ZNF189: variants seen among roughly 807,000 people sequenced by gnomAD.
ZNF189 encodes the protein zinc finger protein 189.
In ZNF189, 33 loss-of-function variants were observed where a neutral mutation model predicts 53.5. The observed-to-expected ratio is 0.62, with a 90% CI of 0.47 to 0.82. The LOEUF is 0.82. ZNF189 is among the 40% of genes least tolerant of loss of function. The probability of loss-of-function intolerance (pLI) is 0.00; values close to 1 mark genes in which losing one functional copy is unlikely to be tolerated. For synonymous variants in ZNF189, 247 were observed against 238.8 expected, an observed-to-expected ratio of 1.03 and a Z score of -0.32; for missense variants, 711 against 753.9, an observed-to-expected ratio of 0.94 and a Z score of 0.67.
rs746599199 is a variant in ZNF189, at chr9:101,409,408, A to T, written c.1640A>T (p.Lys547Met). 2 of 1,614,090 alleles carry T rather than the reference A, an allele frequency of 1.2e-6. No individual in the cohort carries two copies. The highest frequency in any genetic ancestry group is 2.7e-5 in the African/African-American group (2 of 74,932). Residue 547 changes from lysine to methionine, a missense_variant, in exon 3 of 3, where the codon AAG (lysine) becomes ATG (methionine). Coordinates refer to ENST00000339664, the MANE Select transcript of ZNF189 (RefSeq NM_003452.4). ...NKPHKCDECG[K>M]AFSRNSGLIQ... ...CCCCATAAATGTGATGAATGTGGAA[A>T]GGCCTTTAGCCGGAACTCGGGTCTT...
At position 101,409,091 on chromosome 9, in the gene ZNF189, C is replaced by T. The variant is rs560474324; in HGVS notation, c.1323C>T (p.Cys441=). Residue 441 remains cysteine (C), a synonymous_variant, in exon 3 of 3, where the codon TGC becomes TGT. Transcript: ENST00000339664. ...CTAAGGAAAGTTTTGATCCAAATTG[C>T]AGTCTTGTTATACAGCAGGAAGTCT... ...NETKESFDPN[C]SLVIQQEVYP... The T allele has an allele frequency of 6.2e-7, 1 of 1,613,780 alleles. No individual in the cohort carries two copies. Among genetic ancestry groups the T allele is most frequent in the South Asian group, 1.1e-5 (1 of 91,016 alleles).
Position 101,409,434 on chromosome 9 carries a change from A to G in ZNF189, c.1666A>G (p.Ile556Val), listed in dbSNP as rs1309939753. The stretch of plus-strand genomic sequence containing the variant: ...GGCCTTTAGCCGGAACTCGGGTCTT[A>G]TTCAGCATCAGAGAATACACACAGG... ...GKAFSRNSGL[I>V]QHQRIHTGEK... Residue 556 changes from isoleucine to valine, a missense_variant, in exon 3 of 3, where the codon ATT (isoleucine) becomes GTT (valine). Transcript: ENST00000339664. 2 of 1,614,086 alleles carry G rather than the reference A, an allele frequency of 1.2e-6. No individual in the cohort carries two copies. The highest frequency in any genetic ancestry group is 8.5e-7 in the Non-Finnish European group (1 of 1,180,026).
chr9:101,399,731 G>T (rs1315181928), intron 1 of ZNF189, among the ~76,000 whole-genome samples, 153 bp from the exon 2 acceptor site: 3 of 152,204 alleles, frequency 2.0e-5, no homozygotes. Flanking sequence ...GTCAGTTACA[G>T]TTCGTTCCCA....
At position 101,409,998 on chromosome 9, in the gene ZNF189, G is replaced by C. The variant is rs1830882852; in HGVS notation, c.*349G>C. ...GTGGAAAACAGAATAATGATTCAAA[G>C]AGTCTTCTGTCACCATGTCATATTG... On this transcript the variant is annotated 3_prime_UTR_variant, in exon 3 of 3. Coordinates refer to ENST00000339664, the MANE Select transcript of ZNF189 (RefSeq NM_003452.4). 5.3e-6 allele frequency: 1 copy of C among 188,610 alleles called. No individual in the cohort carries two copies. The highest frequency in any genetic ancestry group is 1.3e-4 in the South Asian group (1 of 7,476). The allele number at this position is 188,610 out of a possible 1,614,324, so 11.7% of individuals were successfully genotyped here.
chr9:101,408,372 A>G lies in ZNF189; in HGVS notation c.604A>G (p.Arg202Gly), dbSNP rs755732319. The G allele has an allele frequency of 6.2e-7, 1 of 1,614,164 alleles. No homozygotes were observed. The highest frequency in any genetic ancestry group is 8.5e-7 in the Non-Finnish European group (1 of 1,180,016). Reference protein sequence around the residue: ...IEHQRIHTGERPYECNYCGKT... With the variant: ...IEHQRIHTGEGPYECNYCGKT... ...ACATCAGAGAATTCACACTGGGGAA[A>G]GGCCCTATGAGTGTAATTACTGTGG... Residue 202 changes from arginine to glycine, a missense_variant, in exon 3 of 3, where the codon AGG becomes GGG. Coordinates refer to ENST00000339664, the MANE Select transcript of ZNF189 (RefSeq NM_003452.4).
In ZNF189 at chr9:101,403,861, G is replaced by C. The variant is rs565142192; in HGVS notation, c.160+3851G>C. ...TAGGGCTTCACCATATGAATATTTG[G>C]TGGGAACACAAACATTCAGTCTATA... is the stretch of plus-strand genomic sequence containing the variant. On this transcript the variant is annotated intron_variant, in intron 2 of 2. Coordinates refer to ENST00000339664, the MANE Select transcript of ZNF189 (RefSeq NM_003452.4). 3.9e-5 allele frequency among the ~76,000 whole-genome samples: 6 copies of C among 152,310 alleles called. No individual in the cohort carries two copies. The East Asian group carries it at 1.2e-3, about 29-fold the overall frequency.
intron 2 of ZNF189, 70 bp from the exon 3 acceptor site, chr9:101,407,859 C>G: frequency 7.2e-7 from 1 of 1,392,114 alleles, no homozygotes; most frequent in Non-Finnish European, 9.5e-7. Context: ...CTTTGTTTGC[C>G]CATCTTACTT....
At chr9:101,401,980 T>A (rs1351211112) in intron 2 of ZNF189, among the ~76,000 whole-genome samples, 3 of 151,848 alleles carry the variant, frequency 2.0e-5, no homozygotes, top group Admixed American at 2.0e-4. Flanking sequence ...AGTGGTGCAA[T>A]CTCAGCTCAC....
In ZNF189 at chr9:101,399,929, G is replaced by T. The variant is rs745935109; in HGVS notation, c.79G>T (p.Glu27Ter). The change falls in exon 2 of 3, where the codon GAG (glutamate) becomes TAG (stop). Residue 27 changes from glutamate to a stop codon, truncating the protein, a stop_gained. Coordinates refer to ENST00000339664, the MANE Select transcript of ZNF189 (RefSeq NM_003452.4). LOFTEE classifies it high-confidence loss of function. ...EDVAVFFTQE[E>*]WDYLDPAQRS... is the part of the protein sequence containing the mutation. ...TGTGGCTGTGTTTTTTACCCAGGAG[G>T]AGTGGGATTATCTGGACCCAGCTCA... 4 of 1,614,126 alleles carry T rather than the reference G, an allele frequency of 2.5e-6. No homozygotes were observed. The highest frequency in any genetic ancestry group is 3.4e-6 in the Non-Finnish European group (4 of 1,180,026).
chr9:101,409,752 C>G lies in ZNF189; in HGVS notation c.*103C>G. 7.4e-7 allele frequency: 1 copy of G among 1,345,020 alleles called. No individual in the cohort carries two copies. The highest frequency in any genetic ancestry group is 9.9e-7 in the Non-Finnish European group (1 of 1,010,802). The allele number at this position is 1,345,020 out of a possible 1,614,324, so 83.3% of individuals were successfully genotyped here. A position where few individuals can be genotyped will look rare whatever the true frequency, so the allele number is the denominator to read the frequency against. On this transcript the variant is annotated 3_prime_UTR_variant, in exon 3 of 3. Coordinates refer to ENST00000339664, the MANE Select transcript of ZNF189 (RefSeq NM_003452.4). ...AGATTTAGTGATAAAGCAAATTCTC[C>G]TTGGCCTCAGGCAAATAGTTTCTAA...
Position 101,409,334 on chromosome 9 carries a change from T to C in ZNF189, c.1566T>C (p.Ser522=). Reference sequence around the variant, plus strand: ...GCAGACAGTGTGGAAAAAGCTTTAGTCAGCTTTGTAATCTTATTCGACATC... The same window carrying C: ...GCAGACAGTGTGGAAAAAGCTTTAGCCAGCTTTGTAATCTTATTCGACATC... The part of the protein sequence containing the change: ...YLCRQCGKSF[S]QLCNLIRHQG... The change falls in exon 3 of 3, where the codon AGT becomes AGC. Residue 522 remains serine (S), a synonymous_variant. Coordinates refer to ENST00000339664, the MANE Select transcript of ZNF189 (RefSeq NM_003452.4). 6.2e-7 allele frequency: 1 copy of C among 1,614,184 alleles called. No individual in the cohort carries two copies. The highest frequency in any genetic ancestry group is 8.5e-7 in the Non-Finnish European group (1 of 1,180,032).
At chr9:101,403,041 G>A (rs1830588466) in intron 2 of ZNF189, among the ~76,000 whole-genome samples, 2 of 151,312 alleles carry the variant, frequency 1.3e-5, no homozygotes, top group Admixed American at 1.3e-4. Context: ...TATCTTTCTT[G>A]CCTCACCTGT....
Position 101,408,176 on chromosome 9 carries a change from T to C in ZNF189, c.408T>C (p.Ile136=), listed in dbSNP as rs936615831. Residue 136 remains isoleucine (I), a synonymous_variant, in exon 3 of 3, where the codon ATT becomes ATC. Transcript: ENST00000339664. ...EQRMFRENTN[I]IRKRPNSEEK... ...GAATGTTCAGAGAAAACACTAACAT[T>C]ATCCGTAAAAGACCAAACTCAGAAG... 6.2e-7 allele frequency: 1 copy of C among 1,613,986 alleles called. No individual in the cohort carries two copies. The highest frequency in any genetic ancestry group is 8.5e-7 in the Non-Finnish European group (1 of 1,180,032).
At position 101,400,011 on chromosome 9, in the gene ZNF189, G is replaced by T. The variant is rs774178523; in HGVS notation, c.160+1G>T. 6.2e-7 allele frequency: 1 copy of T among 1,613,108 alleles called. No homozygotes were observed. Among genetic ancestry groups the T allele is most frequent in the South Asian group, 1.1e-5 (1 of 90,824 alleles). ...AATTATGGAAACCTGGTCTCACTGG[G>T]TAAGAATCTGCTGTTTCTCTAATTA... On this transcript the variant is annotated splice_donor_variant, in intron 2 of 2. Coordinates refer to ENST00000339664, the MANE Select transcript of ZNF189 (RefSeq NM_003452.4). LOFTEE classifies it high-confidence loss of function.
At chr9:101,407,442 G>A (rs886579612) in intron 2 of ZNF189, 2 of 398,486 alleles carry the variant, frequency 5.0e-6, no homozygotes, top group Non-Finnish European at 8.8e-6. Context: ...CTGGTGTGCA[G>A]CGACGCAAAC....
intron 2 of ZNF189, chr9:101,407,348 G>T: frequency 2.5e-6 from 1 of 397,192 alleles, no homozygotes; most frequent in South Asian, 1.3e-4. Flanking sequence ...GTTTCCCCTG[G>T]ATCTTTGTCT....
chr9:101,407,559 A>T (rs759464233), intron 2 of ZNF189: 3 of 403,166 alleles, frequency 7.4e-6, no homozygotes, highest in Non-Finnish European at 8.7e-6. Flanking sequence ...CTGGCTAATT[A>T]AAAAAAAATT....
chr9:101,406,080 T>G (rs1830701342), intron 2 of ZNF189, among the ~76,000 whole-genome samples: 1 of 152,050 alleles, frequency 6.6e-6, no homozygotes, highest in Non-Finnish European at 1.5e-5. Context: ...AATGCCCGTT[T>G]TATTTTTATT....
intron 2 of ZNF189, among the ~76,000 whole-genome samples, chr9:101,400,489 T>A (rs1830493282): frequency 6.6e-6 from 1 of 152,208 alleles, no homozygotes; most frequent in South Asian, 2.1e-4. Context: ...CACTCAGCTT[T>A]TAAATGCTGT....
Sources: allele counts gnomAD v4.1 joint callset (sites outside exome capture counted in the v4.1 genomes callset), GRCh38; gene constraint gnomAD v4.1.1; transcripts MANE v1.5; gene names NCBI Gene and HGNC (gene_info 2026-07-23, HGNC 2026-07-21).